WDR7: variants seen among roughly 807,000 people sequenced by gnomAD.
WDR7 encodes WD repeat domain 7.
Under a neutral mutation model 169.4 loss-of-function variants are expected in WDR7, and 46 were observed. The observed-to-expected ratio is 0.27, with a 90% CI of 0.21 to 0.35. The LOEUF is 0.35. Ranked by LOEUF, WDR7 falls within the 10% of genes least tolerant of loss-of-function variation. WDR7 has a pLI of 1.00. For missense variants in WDR7, 1,534 were observed against 1,859.3 expected (o/e 0.83, Z 3.22); for synonymous variants, 612 against 666.8 (o/e 0.92, Z 1.27).
intron 26 of WDR7, among the ~76,000 whole-genome samples, chr18:57,003,194 A>G (rs960381203): frequency 6.6e-6 from 1 of 150,704 alleles, no homozygotes; most frequent in African/African-American, 2.4e-5. Flanking sequence ...GATGAACTTC[A>G]GTAATTACCC....
At chr18:56,755,977 G>A (rs998948044) in intron 14 of WDR7, among the ~76,000 whole-genome samples, 1 of 152,182 alleles carries the variant, frequency 6.6e-6, no homozygotes, top group African/African-American at 2.4e-5. Flanking sequence ...CATTGGAGTA[G>A]TCTACTACTT....
intron 26 of WDR7, among the ~76,000 whole-genome samples, chr18:56,974,233 A>G (rs184748439): frequency 4.7e-4 from 71 of 152,192 alleles, no homozygotes; most frequent in Admixed American, 9.8e-4. Context: ...CTCTTATTGT[A>G]TGAATTATAT....
chr18:56,947,371 T>C (rs568311482), intron 25 of WDR7, among the ~76,000 whole-genome samples: 1 of 152,326 alleles, frequency 6.6e-6, no homozygotes, highest in South Asian at 2.1e-4. Flanking sequence ...AGGCATCATC[T>C]AGCACTCTAG....
intron 23 of WDR7, among the ~76,000 whole-genome samples, chr18:56,936,614 G>A (rs8091519): frequency 0.12 from 18,070 of 152,064 alleles, 3,491 homozygotes; most frequent in African/African-American, 0.4. Context: ...AATTTTTAAA[G>A]TAATAAATTA....
At chr18:56,874,270 A>C (rs1278981374) in intron 20 of WDR7, among the ~76,000 whole-genome samples, 1 of 151,094 alleles carries the variant, frequency 6.6e-6, no homozygotes, top group Non-Finnish European at 1.5e-5. Context: ...ATGATTATTG[A>C]TTTTTTTTTC....
intron 25 of WDR7, among the ~76,000 whole-genome samples, chr18:56,955,547 C>G (rs994813855): frequency 2.0e-5 from 3 of 151,960 alleles, no homozygotes; most frequent in African/African-American, 7.2e-5. Context: ...CATTCATTTT[C>G]CTTATGTATT....
At chr18:56,826,148 T>C (rs1385535440) in intron 20 of WDR7, among the ~76,000 whole-genome samples, 1 of 152,222 alleles carries the variant, frequency 6.6e-6, no homozygotes, top group African/African-American at 2.4e-5. Context: ...GTGAGCTGTG[T>C]AATAATAACT....
intron 14 of WDR7, among the ~76,000 whole-genome samples, chr18:56,749,711 T>C (rs968890681): frequency 1.3e-5 from 2 of 151,930 alleles, no homozygotes; most frequent in Non-Finnish European, 2.9e-5. Flanking sequence ...CTGAAATAAG[T>C]AAGCTTTGAG....
At chr18:56,733,983 T>C (rs1378680038) in intron 14 of WDR7, among the ~76,000 whole-genome samples, 1 of 152,122 alleles carries the variant, frequency 6.6e-6, no homozygotes, top group Non-Finnish European at 1.5e-5. Flanking sequence ...GCAGAGAGCC[T>C]TTTCTTTCGC....
At chr18:56,833,202 T>C (rs2045343419) in intron 20 of WDR7, among the ~76,000 whole-genome samples, 1 of 151,740 alleles carries the variant, frequency 6.6e-6, no homozygotes, top group African/African-American at 2.4e-5. Flanking sequence ...ACACAAGTAT[T>C]AGTAGCAGAA....
chr18:56,835,469 A>G, intron 20 of WDR7, among the ~76,000 whole-genome samples: 1 of 152,174 alleles, frequency 6.6e-6, no homozygotes, highest in East Asian at 1.9e-4. Flanking sequence ...GTAATTTTGG[A>G]AATATGCAAT....
chr18:56,895,305 T>G (rs1339337097), intron 21 of WDR7, among the ~76,000 whole-genome samples: 3 of 151,864 alleles, frequency 2.0e-5, no homozygotes, highest in African/African-American at 7.2e-5. Flanking sequence ...TGAAAGACCC[T>G]TCTAACTAGT....
At chr18:56,832,266 A>T (rs1022609201) in intron 20 of WDR7, among the ~76,000 whole-genome samples, 6 of 152,224 alleles carry the variant, frequency 3.9e-5, no homozygotes, top group African/African-American at 1.4e-4. Flanking sequence ...CCACAGAGCC[A>T]CTGTAGAAAG....
At chr18:56,852,358 T>A (rs756364367) in intron 20 of WDR7, among the ~76,000 whole-genome samples, 34 of 152,154 alleles carry the variant, frequency 2.2e-4, no homozygotes, top group Non-Finnish European at 1.2e-4. Context: ...GAATTATGAG[T>A]GTGAAGTTCT....
At chr18:56,690,681 G>C (rs917923698) in intron 7 of WDR7, among the ~76,000 whole-genome samples, 3 of 152,026 alleles carry the variant, frequency 2.0e-5, no homozygotes, top group African/African-American at 7.2e-5. Flanking sequence ...AGTTAGCAGG[G>C]CATGGTGGCA....
chr18:56,938,436 T>A lies in WDR7; in HGVS notation c.3832-97T>A, dbSNP rs567454108. On this transcript the variant is annotated intron_variant, in intron 23 of 27. Transcript: ENST00000254442. The stretch of plus-strand genomic sequence containing the variant: ...CTGACTCACCCACAAGAAGTTTATT[T>A]TTTTCTATAGTATTAGAAAGTAAAA... 113 of 1,455,168 alleles carry A rather than the reference T, an allele frequency of 7.8e-5. 3 individuals are homozygous for A. The South Asian group carries it at 1.5e-3, about 19-fold the overall frequency. The allele number at this position is 1,455,168 out of a possible 1,614,324, so 90.1% of individuals were successfully genotyped here.
In WDR7 at chr18:56,694,611, T is replaced by C. The variant is rs1228304078; in HGVS notation, c.967-8T>C. The C allele has an allele frequency of 1.2e-6, 2 of 1,602,740 alleles. No individual in the cohort carries two copies. The highest frequency in any genetic ancestry group is 1.7e-6 in the Non-Finnish European group (2 of 1,173,256). On this transcript the variant is annotated splice_polypyrimidine_tract_variant and splice_region_variant and intron_variant, in intron 9 of 27. Coordinates refer to ENST00000254442, the MANE Select transcript of WDR7 (RefSeq NM_015285.3). Reference sequence around the variant, plus strand: ...CAGCTAAAGATATTCAAATACTTTTTTTGGCAGTTGCTAATTTGTCCTCCT... The same window carrying C: ...CAGCTAAAGATATTCAAATACTTTTCTTGGCAGTTGCTAATTTGTCCTCCT...
At chr18:56,666,201 CTTTTTTTTTTT>C (rs71169386) in intron 1 of WDR7, among the ~76,000 whole-genome samples, 27 of 100,978 alleles carry the variant, frequency 2.7e-4, no homozygotes, top group African/African-American at 9.9e-4. Context: ...ATTCCTTCGT[CTTTTTTTTTTT>C]TTTTTTTTGA....
intron 13 of WDR7, among the ~76,000 whole-genome samples, chr18:56,722,838 G>T (rs990800915): frequency 6.6e-6 from 1 of 151,944 alleles, no homozygotes; most frequent in Admixed American, 6.6e-5. Context: ...GTGTACCATT[G>T]TAATTTATGG....
Sources: allele counts gnomAD v4.1 joint callset (sites outside exome capture counted in the v4.1 genomes callset), GRCh38; gene constraint gnomAD v4.1.1; transcripts MANE v1.5; gene names NCBI Gene and HGNC (gene_info 2026-07-23, HGNC 2026-07-21).